Variants in PLPP4 observed in about 807,000 individuals in gnomAD.
The protein encoded by PLPP4 is diacylglycerol pyrophosphate like 2.
A neutral mutation model predicts 32.2 loss-of-function variants in PLPP4; 20 were observed. The ratio of observed to expected loss-of-function variants is 0.62; its 90% CI spans 0.44 to 0.90. PLPP4 has a LOEUF of 0.90. Ranked by LOEUF, PLPP4 falls within the 40% of genes least tolerant of loss-of-function variation. PLPP4 has a pLI of 0.00. For synonymous variants in PLPP4, 127 were observed against 133.0 expected (o/e 0.95, Z 0.31); for missense variants, 257 against 353.1 (o/e 0.73, Z 2.18).
intron 1 of PLPP4, among the ~76,000 whole-genome samples, chr10:120,496,357 T>C (rs1844962828): frequency 6.6e-6 from 1 of 152,194 alleles, no homozygotes; most frequent in African/African-American, 2.4e-5. Context: ...ATATCAGCCA[T>C]TCCTTTGGAT....
At chr10:120,506,085 G>T (rs1437734811) in intron 2 of PLPP4, among the ~76,000 whole-genome samples, 1 of 152,180 alleles carries the variant, frequency 6.6e-6, no homozygotes, top group Non-Finnish European at 1.5e-5. Flanking sequence ...GCATGCTGGC[G>T]GTGGTAGAAA....
At chr10:120,544,966 G>A (rs912667025) in intron 5 of PLPP4, among the ~76,000 whole-genome samples, 1 of 152,252 alleles carries the variant, frequency 6.6e-6, no homozygotes, top group African/African-American at 2.4e-5. Flanking sequence ...CAGGGCCAGG[G>A]ATTCTCCCTG....
intron 5 of PLPP4, among the ~76,000 whole-genome samples, chr10:120,522,296 C>G (rs151161015): frequency 1.3e-5 from 2 of 152,252 alleles, no homozygotes; most frequent in African/African-American, 4.8e-5. Flanking sequence ...GTCTGTTGAA[C>G]ATGTTGCTCA....
In PLPP4 at chr10:120,468,303, C is replaced by A. The variant is rs1377621037; in HGVS notation, c.56+10942C>A. 9.3e-5 allele frequency among the ~76,000 whole-genome samples: 6 copies of A among 64,842 alleles called. 3 individuals carry two copies. Among genetic ancestry groups the A allele is most frequent in the Non-Finnish European group, 2.7e-4 (6 of 22,318 alleles). The allele number at this position is 64,842 out of a possible 152,430, so 42.5% of individuals were successfully genotyped here. ...AACAATGAGTATACATTAGTAGAAG[C>A]TTTTTATGTGCTACAATGAAAGAAT... On this transcript the variant is annotated intron_variant, in intron 1 of 6. Transcript: ENST00000398250.
chr10:120,460,476 G>A (rs537494231), intron 1 of PLPP4, among the ~76,000 whole-genome samples: 9 of 152,298 alleles, frequency 5.9e-5, no homozygotes, highest in African/African-American at 2.2e-4. Context: ...TACTCACTTT[G>A]ACCACTATCA....
chr10:120,462,196 G>A (rs1285934598), intron 1 of PLPP4, among the ~76,000 whole-genome samples: 1 of 151,720 alleles, frequency 6.6e-6, no homozygotes, highest in Non-Finnish European at 1.5e-5. Context: ...GTGGAGATGA[G>A]GTCACCAAGT....
intron 6 of PLPP4, among the ~76,000 whole-genome samples, chr10:120,579,449 C>G (rs779959189): frequency 6.6e-6 from 1 of 152,164 alleles, no homozygotes; most frequent in Non-Finnish European, 1.5e-5. Flanking sequence ...CTTTCCCAGA[C>G]TGGGCTGTGA....
At chr10:120,503,788 C>T in intron 1 of PLPP4, 30 bp from the exon 2 acceptor site, 1 of 1,596,810 alleles carries the variant, frequency 6.3e-7, no homozygotes, top group Non-Finnish European at 8.6e-7. Flanking sequence ...GAACGCTCAA[C>T]CTTCATGTAC....
At chr10:120,547,192 G>C (rs2133976539) in intron 5 of PLPP4, among the ~76,000 whole-genome samples, 1 of 151,966 alleles carries the variant, frequency 6.6e-6, no homozygotes, top group African/African-American at 2.4e-5. Context: ...AACAAGTCCT[G>C]AAATAAATGT....
intron 1 of PLPP4, among the ~76,000 whole-genome samples, chr10:120,484,185 G>A (rs1035191124): frequency 3.3e-5 from 5 of 152,184 alleles, no homozygotes; most frequent in African/African-American, 1.2e-4. Context: ...CTATGCATAT[G>A]TGCATGTTCT....
chr10:120,480,815 A>G (rs1337877113), intron 1 of PLPP4, among the ~76,000 whole-genome samples: 1 of 151,948 alleles, frequency 6.6e-6, no homozygotes, highest in Non-Finnish European at 1.5e-5. Context: ...CACTTTCCCC[A>G]CTGTCCTCTG....
intron 2 of PLPP4, among the ~76,000 whole-genome samples, chr10:120,507,211 G>A (rs1845529300): frequency 1.3e-5 from 2 of 152,148 alleles, no homozygotes; most frequent in African/African-American, 4.8e-5. Context: ...TAGGGGATGA[G>A]AAGTCCAATG....
In PLPP4 at chr10:120,477,242, C is replaced by CAAAAAAAAA. The variant is rs140983897; in HGVS notation, c.56+19886_56+19887insAAAAAAAAA. Among the ~76,000 whole-genome samples the CAAAAAAAAA allele has an allele frequency of 5.2e-3, 735 of 140,630 alleles. 24 individuals are homozygous for CAAAAAAAAA. The highest frequency in any genetic ancestry group is 0.015 in the African/African-American group (589 of 39,352). The allele number at this position is 140,630 out of a possible 152,430, so 92.3% of individuals were successfully genotyped here. On this transcript the variant is annotated intron_variant, in intron 1 of 6. Coordinates refer to ENST00000398250, the MANE Select transcript of PLPP4 (RefSeq NM_001030059.3). ...TGCTTTGAATTAATCCAGAACGGTT[C>CAAAAAAAAA]AAAAAGAAAAGAAAAAAAACCTTCT... is the stretch of plus-strand genomic sequence containing the variant.
Position 120,580,630 on chromosome 10 carries a change from G to A in PLPP4, c.616+5329G>A, listed in dbSNP as rs190529261. The stretch of plus-strand genomic sequence containing the variant: ...TGTCTCTGTCTCCATCTCTCTGTCT[G>A]CCTCTGTCTCTTACACACACACACA... On this transcript the variant is annotated intron_variant, in intron 6 of 6. Transcript: ENST00000398250. Among the ~76,000 whole-genome samples the A allele has an allele frequency of 2.8e-5, 3 of 108,276 alleles. No homozygotes were observed. The Admixed American group carries it at 3.0e-4, about 11-fold the overall frequency. The allele number at this position is 108,276 out of a possible 152,430, so 71.0% of individuals were successfully genotyped here.
intron 6 of PLPP4, chr10:120,581,431 T>A: frequency 2.4e-6 from 1 of 416,904 alleles, no homozygotes; most frequent in Non-Finnish European, 3.2e-6. Flanking sequence ...GGAATGTGCC[T>A]TTAGAGCCTG....
chr10:120,552,624 G>A (rs929588300), intron 5 of PLPP4, among the ~76,000 whole-genome samples: 3 of 152,184 alleles, frequency 2.0e-5, no homozygotes, highest in Non-Finnish European at 4.4e-5. Flanking sequence ...TGGCTGGTGG[G>A]TGAGAAGCAC....
At position 120,476,679 on chromosome 10, in the gene PLPP4, A is replaced by C. The variant is rs555904446; in HGVS notation, c.56+19318A>C. ...TGATGATCCGAGCATCAGGAGCCAG[A>C]ATGTGTGGGACTAAATGCTGCCTCT... On this transcript the variant is annotated intron_variant, in intron 1 of 6. Coordinates refer to ENST00000398250, the MANE Select transcript of PLPP4 (RefSeq NM_001030059.3). Among the ~76,000 whole-genome samples, 846 of 152,312 alleles carry C rather than the reference A, an allele frequency of 5.6e-3. 8 individuals are homozygous for C. The highest frequency in any genetic ancestry group is 9.4e-3 in the Non-Finnish European group (641 of 68,022).
At chr10:120,579,165 G>C (rs972909915) in intron 6 of PLPP4, among the ~76,000 whole-genome samples, 2 of 152,132 alleles carry the variant, frequency 1.3e-5, no homozygotes, top group East Asian at 3.9e-4. Flanking sequence ...CCTGAAACCA[G>C]CCTCTCCTCT....
chr10:120,550,680 T>C (rs1227738143), intron 5 of PLPP4, among the ~76,000 whole-genome samples: 1 of 151,882 alleles, frequency 6.6e-6, no homozygotes, highest in Admixed American at 6.6e-5. Context: ...ATCAATGATA[T>C]TAGAAATTCT....
Sources: gnomAD v4.1 joint callset for allele counts (sites outside exome capture counted in the v4.1 genomes callset) on GRCh38, gnomAD v4.1.1 for gene constraint, MANE v1.5 for transcripts, NCBI Gene and HGNC (gene_info 2026-07-23, HGNC 2026-07-21) for gene names.